Variants in DNAJB4 observed in about 807,000 individuals in gnomAD.
The protein encoded by DNAJB4 is dnaJ homolog subfamily B member 4.
Under a neutral mutation model 26.6 loss-of-function variants are expected in DNAJB4, and 10 were observed. That is an observed-to-expected ratio of 0.38 (90% CI 0.23 to 0.64). The LOEUF is 0.64. DNAJB4 is among the 30% of genes least tolerant of loss of function. The pLI is 0.58. For missense variants in DNAJB4, 328 were observed against 408.2 expected, an observed-to-expected ratio of 0.80 and a Z score of 1.69; for synonymous variants, 136 against 134.8, an observed-to-expected ratio of 1.01 and a Z score of -0.06.
chr1:77,992,412 CAAAAAAAAAAAAAAA>C (rs67649336), intron 1 of DNAJB4, among the ~76,000 whole-genome samples: 9 of 47,742 alleles, frequency 1.9e-4, no homozygotes, highest in Admixed American at 1.2e-3. Context: ...GACTCCGTCT[CAAAAAAAAAAAAAAA>C]AAAAAAAAAA....
At chr1:77,986,509 C>T (rs954088886) in intron 1 of DNAJB4, among the ~76,000 whole-genome samples, 24 of 152,196 alleles carry the variant, frequency 1.6e-4, no homozygotes, top group Admixed American at 1.6e-3. Flanking sequence ...TCCTTCTTTG[C>T]CATTCACGTC....
intron 1 of DNAJB4, among the ~76,000 whole-genome samples, chr1:78,009,478 T>C (rs892499413): frequency 1.7e-4 from 26 of 152,198 alleles, no homozygotes; most frequent in African/African-American, 6.3e-4. Flanking sequence ...AAATGTTGCT[T>C]CTCTGGTGCG....
At chr1:77,985,301 A>G (rs1659765659) in intron 1 of DNAJB4, among the ~76,000 whole-genome samples, 1 of 152,188 alleles carries the variant, frequency 6.6e-6, no homozygotes, top group Non-Finnish European at 1.5e-5. Context: ...TGACATTTCC[A>G]TGTCTCTATT....
chr1:77,984,359 C>G (rs781467546), intron 1 of DNAJB4, among the ~76,000 whole-genome samples: 3 of 152,184 alleles, frequency 2.0e-5, no homozygotes, highest in Non-Finnish European at 4.4e-5. Flanking sequence ...GGCAGAGTTT[C>G]TTAACAAAAG....
intron 1 of DNAJB4, among the ~76,000 whole-genome samples, chr1:77,990,524 G>C (rs890576943): frequency 6.6e-6 from 1 of 152,188 alleles, no homozygotes; most frequent in Non-Finnish European, 1.5e-5. Flanking sequence ...TAGTTAGCCA[G>C]AGAAATAGAT....
Position 78,016,499 on chromosome 1 carries a change from T to A in DNAJB4, c.*252T>A. 2.2e-6 allele frequency: 1 copy of A among 460,728 alleles called. No individual in the cohort carries two copies. Among genetic ancestry groups the A allele is most frequent in the Middle Eastern group, 5.9e-4 (1 of 1,686 alleles). 28.5% of individuals were successfully genotyped at this position (460,728 alleles called of 1,614,324 possible). A position where few individuals can be genotyped will look rare whatever the true frequency, so the allele number is the denominator to read the frequency against. ...AGATATTTTTAGTAATTTGCTTATA[T>A]GTAAAAGTTGTTTTTGTGGAGTCAG... On this transcript the variant is annotated 3_prime_UTR_variant, in exon 3 of 3. Transcript: ENST00000370763.
At chr1:77,991,324 A>G (rs1231672997) in intron 1 of DNAJB4, among the ~76,000 whole-genome samples, 1 of 152,146 alleles carries the variant, frequency 6.6e-6, no homozygotes, top group Non-Finnish European at 1.5e-5. Context: ...GTTGATTCTC[A>G]TTATTTGTCA....
At chr1:78,015,447 CTT>C in intron 2 of DNAJB4, among the ~76,000 whole-genome samples, 1 of 70,014 alleles carries the variant, frequency 1.4e-5, no homozygotes, top group East Asian at 4.1e-4. Flanking sequence ...TTCTTTTCTT[CTT>C]CTTTTTTTTT....
chr1:77,988,374 A>G (rs924293572), intron 1 of DNAJB4, among the ~76,000 whole-genome samples: 2 of 152,136 alleles, frequency 1.3e-5, no homozygotes, highest in Non-Finnish European at 2.9e-5. Flanking sequence ...GCTGTTAAGA[A>G]TCAAAGTGAC....
intron 1 of DNAJB4, among the ~76,000 whole-genome samples, chr1:77,999,727 ATAATCTT>A (rs1660148136): frequency 6.6e-6 from 1 of 152,212 alleles, no homozygotes; most frequent in African/African-American, 2.4e-5. Context: ...GACTCTCACA[ATAATCTT>A]TGTGAGTTAG....
At chr1:78,010,069 T>C (rs901554763) in intron 1 of DNAJB4, among the ~76,000 whole-genome samples, 4 of 152,352 alleles carry the variant, frequency 2.6e-5, no homozygotes, top group Middle Eastern at 3.4e-3. Context: ...GTATGAATCT[T>C]CTCAGAGACT....
intron 1 of DNAJB4, among the ~76,000 whole-genome samples, chr1:78,012,389 C>A (rs2102613483): frequency 6.6e-6 from 1 of 151,402 alleles, no homozygotes; most frequent in Admixed American, 6.6e-5. Flanking sequence ...GTCTCAAACT[C>A]CTGACCTCAT....
At chr1:77,979,209 A>AG (rs936128493), upstream of DNAJB4, 7 of 559,326 alleles carry the variant, frequency 1.3e-5, no homozygotes, top group Non-Finnish European at 1.9e-5. Flanking sequence ...AAAGAACGAC[A>AG]GGAACAGAGA....
Position 77,998,075 on chromosome 1 carries a change from CTGTT to C in DNAJB4, c.-31-7002_-31-6999del, listed in dbSNP as rs1437333909. On this transcript the variant is annotated intron_variant, in intron 1 of 2. Coordinates refer to the DNAJB4 transcript ENST00000426517. ...CAGGCGTGAGCCACCGCACCGGCCT[CTGTT>C]TGACTATCTTTAAAGCTCTTAAAAC... Among the ~76,000 whole-genome samples the C allele has an allele frequency of 4.6e-5, 7 of 152,288 alleles. No homozygotes were observed. The South Asian group carries it at 1.4e-3, about 32-fold the overall frequency.
intron 1 of DNAJB4, among the ~76,000 whole-genome samples, chr1:77,993,274 G>T (rs72685376): frequency 0.027 from 4,119 of 151,980 alleles, 99 homozygotes; most frequent in South Asian, 0.11. Context: ...ATAGACATTA[G>T]GTATTACTTT....
chr1:77,998,055 G>A (rs1266714586), intron 1 of DNAJB4, among the ~76,000 whole-genome samples: 1 of 152,146 alleles, frequency 6.6e-6, no homozygotes, highest in African/African-American at 2.4e-5. Context: ...GATTACAGGC[G>A]TGAGCCACCG....
At chr1:78,011,957 ATG>A (rs922030935) in intron 1 of DNAJB4, among the ~76,000 whole-genome samples, 1 of 148,198 alleles carries the variant, frequency 6.7e-6, no homozygotes, top group African/African-American at 2.5e-5. Flanking sequence ...ATATTTTTAA[ATG>A]TTATATATAT....
At chr1:78,012,814 A>G (rs1660526804) in intron 1 of DNAJB4, among the ~76,000 whole-genome samples, 1 of 70,428 alleles carries the variant, frequency 1.4e-5, no homozygotes, top group Non-Finnish European at 4.6e-5. Context: ...CTGTCTCAAA[A>G]ACACAAACAA....
chr1:78,014,594 A>G (rs982479688), intron 2 of DNAJB4, among the ~76,000 whole-genome samples: 1 of 151,636 alleles, frequency 6.6e-6, no homozygotes, highest in Non-Finnish European at 1.5e-5. Flanking sequence ...AGTTTGCTCT[A>G]TTATTATTAT....
Sources: allele counts gnomAD v4.1 joint callset (sites outside exome capture counted in the v4.1 genomes callset), GRCh38; gene constraint gnomAD v4.1.1; transcripts MANE v1.5; gene names NCBI Gene and HGNC (gene_info 2026-07-23, HGNC 2026-07-21).